The following ALG12 variants were observed in gnomAD, a reference collection of about 807,000 sequenced individuals.
ALG12 encodes the protein ALG12 alpha-1,6-mannosyltransferase, also known as dol-P-Man:Man(7)GlcNAc(2)-PP-Dol alpha-1,6-mannosyltransferase.
ALG12 carries 36 observed loss-of-function variants against 46.0 expected under a neutral mutation model. The observed-to-expected ratio is 0.78, with a 90% CI of 0.60 to 1.03. The LOEUF (loss-of-function observed/expected upper bound fraction) is 1.03, where lower values mean the gene tolerates loss of function less well. ALG12 is among the 50% of genes least tolerant of loss of function. The pLI is 0.00. For missense variants in ALG12, 599 were observed against 633.5 expected, an observed-to-expected ratio of 0.95 and a Z score of 0.58; for synonymous variants, 326 against 291.6, an observed-to-expected ratio of 1.12 and a Z score of -1.20.
chr22:49,907,810 GAGTGCCATGAAGCCC>G lies in ALG12; in HGVS notation c.888_902del (p.Gly297_Leu301del), dbSNP rs775105098. On this transcript the variant is annotated inframe_deletion, in exon 7 of 10. Transcript: ENST00000330817. The stretch of plus-strand genomic sequence containing the variant: ...GCTCCTTGTGTGGCAGGAGGGAGTA[GAGTGCCATGAAGCCC>G]AGTGCCAGCACCGTCGGCGCGTGCG... 1.2e-6 allele frequency: 2 copies of G among 1,614,054 alleles called. No individual in the cohort carries two copies. Among genetic ancestry groups the G allele is most frequent in the East Asian group, 4.5e-5 (2 of 44,888 alleles).
Position 49,904,218 on chromosome 22 carries a change from GTC to G in ALG12, c.1197_1198del (p.Gln399HisfsTer285), listed in dbSNP as rs1394854207. The stretch of plus-strand genomic sequence containing the variant: ...GACTTGGAGAAACCGAGACACACCT[GTC>G]TGGGCGGCTGCCACGTCAATGTGCA... On this transcript the variant is annotated frameshift_variant, in exon 9 of 10. Coordinates refer to ENST00000330817, the MANE Select transcript of ALG12 (RefSeq NM_024105.4). LOFTEE classifies it low-confidence loss of function (END_TRUNC). 6.2e-7 allele frequency: 1 copy of G among 1,614,046 alleles called. No homozygotes were observed. The highest frequency in any genetic ancestry group is 8.5e-7 in the Non-Finnish European group (1 of 1,179,996).
At chr22:49,910,277 G>A (rs2060568762) in intron 4 of ALG12, among the ~76,000 whole-genome samples, 157 bp downstream of exon 4, 1 of 152,228 alleles carries the variant, frequency 6.6e-6, no homozygotes, top group African/African-American at 2.4e-5. Flanking sequence ...ACCCAGCATG[G>A]AAAACAAAGA....
In ALG12 at chr22:49,909,267, G is replaced by A; in HGVS notation, c.745C>T (p.Leu249=). The A allele has an allele frequency of 6.2e-7, 1 of 1,614,256 alleles. No homozygotes were observed. The highest frequency in any genetic ancestry group is 8.5e-7 in the Non-Finnish European group (1 of 1,180,046). Residue 249 remains leucine, a synonymous_variant, in exon 6 of 10, where the codon CTG becomes TTG. Transcript: ENST00000330817. ...ACCCCCCAGTTGGAGCTTTTGTTCA[G>A]GACAGTGTTGTACCAAAGCACCTTT... The part of the protein sequence containing the change: ...EGKVLWYNTV[L]NKSSNWGTSP...
the ALG12 span, among the ~76,000 whole-genome samples, chr22:49,894,691 TAGAC>T: frequency 6.6e-6 from 1 of 152,130 alleles, no homozygotes; most frequent in African/African-American, 2.4e-5. Context: ...AGAGGAGAAA[TAGAC>T]AATCACAGTG....
the ALG12 span, among the ~76,000 whole-genome samples, chr22:49,880,134 G>A: frequency 6.6e-6 from 1 of 151,956 alleles, no homozygotes; most frequent in African/African-American, 2.4e-5. Flanking sequence ...TGAGGCTGGC[G>A]TTTAAGCTGT....
Position 49,901,829 on chromosome 22 carries a change from G to T in ALG12, c.*2009C>A, listed in dbSNP as rs2060509258. ...TGGTGTGTGCACGTGTGCACTGTGT[G>T]TATGCATGGTGTGTGCACGTGTGCA... On this transcript the variant is annotated 3_prime_UTR_variant, in exon 10 of 10. Transcript: ENST00000330817. 1 of 143,494 alleles carries T rather than the reference G, an allele frequency of 7.0e-6. No individual in the cohort carries two copies. The highest frequency in any genetic ancestry group is 2.8e-5 in the African/African-American group (1 of 36,114). 8.9% of individuals were successfully genotyped at this position (143,494 alleles called of 1,614,324 possible). A position where few individuals can be genotyped will look rare whatever the true frequency, so the allele number is the denominator to read the frequency against.
chr22:49,862,365 A>G, the ALG12 span, among the ~76,000 whole-genome samples: 1 of 152,272 alleles, frequency 6.6e-6, no homozygotes, highest in Admixed American at 6.5e-5. Context: ...GTGGCCTGCA[A>G]GTAGCTGGGA....
chr22:49,870,962 A>G, the ALG12 span, among the ~76,000 whole-genome samples: 1 of 122,386 alleles, frequency 8.2e-6, no homozygotes, highest in South Asian at 2.8e-4. Flanking sequence ...TTTTTTTGAG[A>G]TGGAGTCTCA....
In ALG12 at chr22:49,905,045, A is replaced by G. The variant is rs1467617820; in HGVS notation, c.993-539T>C. On this transcript the variant is annotated intron_variant, in intron 7 of 9. Coordinates refer to ENST00000330817, the MANE Select transcript of ALG12 (RefSeq NM_024105.4). The surrounding 1 kb of genome is among the most constrained non-coding windows in gnomAD (Gnocchi z 4.9). Reference sequence around the variant, plus strand: ...GAGCCACTGCGCCCAGCCTAAAAATATATTTTCAAACAATCCCAAGTGACT... The same window carrying G: ...GAGCCACTGCGCCCAGCCTAAAAATGTATTTTCAAACAATCCCAAGTGACT... 2.0e-5 allele frequency among the ~76,000 whole-genome samples: 3 copies of G among 152,144 alleles called. No individual in the cohort carries two copies. Among genetic ancestry groups the G allele is most frequent in the Non-Finnish European group, 2.9e-5 (2 of 68,018 alleles).
At chr22:49,908,710 G>A (rs1462781107) in intron 6 of ALG12, among the ~76,000 whole-genome samples, 1 of 145,900 alleles carries the variant, frequency 6.9e-6, no homozygotes, top group Non-Finnish European at 1.5e-5. Flanking sequence ...CCAGCACTTT[G>A]GGAGGCCAAG....
At chr22:49,886,496 G>T in the ALG12 span, 1 of 1,566,104 alleles carries the variant, frequency 6.4e-7, no homozygotes, top group Non-Finnish European at 8.7e-7. The surrounding 1 kb of genome is among the most constrained non-coding windows in gnomAD (Gnocchi z 7.7). Context: ...GCTGCGAGCC[G>T]GGAGATGAGC....
In ALG12 at chr22:49,904,419, G is replaced by A. The variant is rs1349534624; in HGVS notation, c.1080C>T (p.Ala360=). ...GHLVVNAAYS[A]TALYVSHFNY... ...TGAAATGGGACACATACAGGGCCGT[G>A]GCTGAGTAGGCGGCATTCACCACGA... Residue 360 remains alanine, a synonymous_variant, in exon 8 of 10, where the codon GCC becomes GCT. Transcript: ENST00000330817. 3 of 1,614,196 alleles carry A rather than the reference G, an allele frequency of 1.9e-6. No individual in the cohort carries two copies.
At chr22:49,909,738 C>A (rs1269494497) in intron 5 of ALG12, among the ~76,000 whole-genome samples, 156 bp downstream of exon 5, 1 of 152,186 alleles carries the variant, frequency 6.6e-6, no homozygotes, top group Non-Finnish European at 1.5e-5. Flanking sequence ...CCTGGAGATC[C>A]CCGGGCAGGG....
At chr22:49,883,027 GGATGAGGGCATAAATTCTA>G in the ALG12 span, among the ~76,000 whole-genome samples, 1 of 152,192 alleles carries the variant, frequency 6.6e-6, no homozygotes, top group South Asian at 2.1e-4. Context: ...ACTGTTTGAA[GGATGAGGGCATAAATTCTA>G]GATGAGGCAA....
At chr22:49,874,979 G>A in the ALG12 span, among the ~76,000 whole-genome samples, 10 of 152,060 alleles carry the variant, frequency 6.6e-5, no homozygotes, top group Admixed American at 4.6e-4. Context: ...CACTGCACCC[G>A]GCCTGTTTTA....
chr22:49,870,549 G>T, the ALG12 span, among the ~76,000 whole-genome samples: 1 of 152,076 alleles, frequency 6.6e-6, no homozygotes, highest in Non-Finnish European at 1.5e-5. Flanking sequence ...TCTCGTTGTG[G>T]TTTTGATTTG....
chr22:49,868,198 G>T, the ALG12 span, among the ~76,000 whole-genome samples: 1 of 152,184 alleles, frequency 6.6e-6, no homozygotes, highest in Non-Finnish European at 1.5e-5. Flanking sequence ...TAACATCAGA[G>T]GATTGTGGTT....
rs2060536250 is a variant in ALG12, at chr22:49,905,221, G to A, written c.993-715C>T. 6.6e-6 allele frequency among the ~76,000 whole-genome samples: 1 copy of A among 152,136 alleles called. No individual in the cohort carries two copies. The highest frequency in any genetic ancestry group is 1.5e-5 in the Non-Finnish European group (1 of 68,030). ...GTTAGCAGCTGCCACAGACAGTGTG[G>A]CCCACGAAGATGAGGCTCTTTATTA... On this transcript the variant is annotated intron_variant, in intron 7 of 9. Coordinates refer to ENST00000330817, the MANE Select transcript of ALG12 (RefSeq NM_024105.4). The surrounding 1 kb of genome is among the most constrained non-coding windows in gnomAD (Gnocchi z 4.9).
chr22:49,875,921 G>T, the ALG12 span, among the ~76,000 whole-genome samples: 4 of 143,232 alleles, frequency 2.8e-5, no homozygotes, highest in Non-Finnish European at 6.1e-5. Context: ...AAGAACCAGA[G>T]TTTGGTTTCA....
Sources: gnomAD v4.1 joint callset for allele counts (sites outside exome capture counted in the v4.1 genomes callset) on GRCh38, gnomAD v4.1.1 for gene constraint, Gnocchi (gnomAD v3.1) non-coding constraint, MANE v1.5 for transcripts, NCBI Gene and HGNC (gene_info 2026-07-23, HGNC 2026-07-21) for gene names.